Variants in IFT172 observed in about 807,000 individuals in gnomAD.
The protein encoded by IFT172 is intraflagellar transport 172.
A neutral mutation model predicts 248.9 loss-of-function variants in IFT172; 164 were observed. That is an observed-to-expected ratio of 0.66 (90% CI 0.58 to 0.75). The LOEUF (loss-of-function observed/expected upper bound fraction) is 0.75, where lower values mean the gene tolerates loss of function less well. IFT172 is among the 30% of genes least tolerant of loss of function. The probability of loss-of-function intolerance (pLI) is 0.00; values close to 1 mark genes in which losing one functional copy is unlikely to be tolerated. For synonymous variants in IFT172, 729 were observed against 791.6 expected (o/e 0.92, Z 1.33); for missense variants, 1,950 against 2,192.4 (o/e 0.89, Z 2.21).
chr2:27,468,095 G>A (rs1053534708), intron 16 of IFT172, among the ~76,000 whole-genome samples: 1 of 150,962 alleles, frequency 6.6e-6, no homozygotes, highest in African/African-American at 2.4e-5. Context: ...GGGAGGAAGA[G>A]GTTGCAGTAA....
At chr2:27,470,456 T>A (rs1411503095) in intron 16 of IFT172, among the ~76,000 whole-genome samples, 1 of 152,090 alleles carries the variant, frequency 6.6e-6, no homozygotes, top group African/African-American at 2.4e-5. Flanking sequence ...ACACACACAC[T>A]CCTAGCCTAG....
At chr2:27,461,883 G>C (rs1290165039) in intron 20 of IFT172, 47 bp from the exon 21 acceptor site, 2 of 1,607,970 alleles carry the variant, frequency 1.2e-6, no homozygotes, top group Non-Finnish European at 1.7e-6. Context: ...AAGATATGAG[G>C]ATCAGAAAGC....
At chr2:27,446,946 G>A (rs1039561649) in intron 42 of IFT172, among the ~76,000 whole-genome samples, 4 of 151,844 alleles carry the variant, frequency 2.6e-5, no homozygotes, top group Admixed American at 6.6e-5. Context: ...TGATCCACCC[G>A]CCTCGGCCTC....
intron 25 of IFT172, 35 bp from the exon 26 acceptor site, chr2:27,458,903 A>C: frequency 6.2e-7 from 1 of 1,610,588 alleles, no homozygotes; most frequent in Non-Finnish European, 8.5e-7. Flanking sequence ...AAAAGGTCAG[A>C]GCAACAGACT....
intron 23 of IFT172, 139 bp from the exon 24 acceptor site, chr2:27,459,968 G>C (rs1666520424): frequency 3.7e-6 from 4 of 1,080,500 alleles, no homozygotes; most frequent in East Asian, 2.4e-5. Flanking sequence ...CTGAACACAC[G>C]CACCAAGAGG....
At chr2:27,465,658 G>C (rs1333843627) in intron 17 of IFT172, 88 bp downstream of exon 17, 2 of 1,574,258 alleles carry the variant, frequency 1.3e-6, no homozygotes, top group East Asian at 2.2e-5. Context: ...CCTTATTAGT[G>C]CTGGCCAGTT....
In IFT172 at chr2:27,447,530, CTG is replaced by C; in HGVS notation, c.4642_4643del (p.Gln1548GlufsTer31). 1 of 1,614,104 alleles carries C rather than the reference CTG, an allele frequency of 6.2e-7. No homozygotes were observed. The highest frequency in any genetic ancestry group is 8.5e-7 in the Non-Finnish European group (1 of 1,179,968). Reference protein sequence around the residue: ...AHYYATRSAAQSVKQLETVAA... With the variant: ...AHYYATRSAAXSVKQLETVAA... Reference sequence around the variant, plus strand: ...TACATCTCACCAGCTGTTTGACACTCTGGGCTGCAGAGCGCGTGGCATAGTAA... The same window carrying C: ...TACATCTCACCAGCTGTTTGACACTCGGCTGCAGAGCGCGTGGCATAGTAA... On this transcript the variant is annotated frameshift_variant, in exon 42 of 48. Coordinates refer to ENST00000260570, the MANE Select transcript of IFT172 (RefSeq NM_015662.3). LOFTEE classifies it high-confidence loss of function.
chr2:27,457,279 G>C (rs1420016784), intron 29 of IFT172, among the ~76,000 whole-genome samples: 1 of 151,946 alleles, frequency 6.6e-6, no homozygotes, highest in Non-Finnish European at 1.5e-5. Context: ...ACTTAAAGTG[G>C]GAAAGAAGGG....
intron 41 of IFT172, 31 bp downstream of exon 41, chr2:27,447,781 G>T: frequency 1.3e-6 from 2 of 1,592,962 alleles, no homozygotes; most frequent in Non-Finnish European, 1.7e-6. Flanking sequence ...TGAGGACAAG[G>T]ACAGACGGAG....
chr2:27,461,362 A>C lies in IFT172; in HGVS notation c.2349T>G (p.Ala783=). 1 of 1,614,126 alleles carries C rather than the reference A, an allele frequency of 6.2e-7. No individual in the cohort carries two copies. The highest frequency in any genetic ancestry group is 8.5e-7 in the Non-Finnish European group (1 of 1,180,016). ...YLKAGLPAKA[A]RLVLTREELL... ...GTTCCTCTCGGGTCAGCACCAGCCG[A>C]GCAGCTTTGGCAGGGAGCCCAGCTT... is the stretch of plus-strand genomic sequence containing the variant. Residue 783 remains alanine, a synonymous_variant, in exon 22 of 48, where the codon GCT becomes GCG. Transcript: ENST00000260570.
In IFT172 at chr2:27,448,796, G is replaced by A. The variant is rs1665401139; in HGVS notation, c.4428+119C>T. 5.6e-6 allele frequency: 4 copies of A among 711,374 alleles called. No homozygotes were observed. The South Asian group carries it at 6.3e-5, about 11-fold the overall frequency. The allele number at this position is 711,374 out of a possible 1,614,324, so 44.1% of individuals were successfully genotyped here. ...TTTCTGGAGATGCGTGGGGGGCTCT[G>A]GGCATGACGTTCTCTAAGGATAGAA... is the stretch of plus-strand genomic sequence containing the variant. On this transcript the variant is annotated intron_variant, in intron 40 of 47. Coordinates refer to ENST00000260570, the MANE Select transcript of IFT172 (RefSeq NM_015662.3).
intron 16 of IFT172, among the ~76,000 whole-genome samples, chr2:27,467,418 G>GAAAAAAAAAAA (rs34115935): frequency 1.2e-4 from 2 of 16,428 alleles, no homozygotes; most frequent in Non-Finnish European, 2.1e-4. Flanking sequence ...ACAGAAAATT[G>GAAAAAAAAAAA]AAAAAAAAAA....
intron 7 of IFT172, among the ~76,000 whole-genome samples, chr2:27,483,001 CT>C (rs10651081): frequency 7.8e-4 from 96 of 123,772 alleles, no homozygotes; most frequent in East Asian, 2.7e-3. Flanking sequence ...TCCACAGCAT[CT>C]TTTTTTTTTT....
intron 7 of IFT172, among the ~76,000 whole-genome samples, chr2:27,482,699 T>C (rs771534780): frequency 5.9e-5 from 9 of 152,248 alleles, no homozygotes; most frequent in Non-Finnish European, 1.3e-4. Flanking sequence ...CTCTTTTTTC[T>C]ATGAATCTAC....
chr2:27,482,564 C>T (rs1333862305), intron 7 of IFT172, among the ~76,000 whole-genome samples: 1 of 152,188 alleles, frequency 6.6e-6, no homozygotes, highest in Non-Finnish European at 1.5e-5. Context: ...GGATTACAGG[C>T]ACGGCTCACA....
chr2:27,458,994 AG>A, intron 25 of IFT172, 126 bp from the exon 26 acceptor site: 1 of 903,340 alleles, frequency 1.1e-6, no homozygotes, highest in Non-Finnish European at 1.7e-6. Flanking sequence ...ATAATAGAGA[AG>A]AAAAGATGAG....
At position 27,448,942 on chromosome 2, in the gene IFT172, T is replaced by C. The variant is rs778086354; in HGVS notation, c.4401A>G (p.Val1467=). The change falls in exon 40 of 48, where the codon GTA becomes GTG. Residue 1467 remains valine (V), a synonymous_variant. Transcript: ENST00000260570. ...GTGGGTTAGCAGGGGCTCCGTGCTG[T>C]ACATACAGGGCCAATGCCTGGGCAG... ...GSSAQALALY[V]QHGAPANPQN... 6.3e-7 allele frequency: 1 copy of C among 1,599,982 alleles called. No homozygotes were observed. Among genetic ancestry groups the C allele is most frequent in the Non-Finnish European group, 8.6e-7 (1 of 1,167,026 alleles).
rs761953375 is a variant in IFT172 at position 27,445,713 on chromosome 2, GGCC to G, written c.4914+29_4914+31del. ...CTCCTCAAGGCACTCACACTGGTGA[GGCC>G]TTCCGGTTTTCCAACCCTGTGCCCT... On this transcript the variant is annotated intron_variant, in intron 45 of 47. Coordinates refer to ENST00000260570, the MANE Select transcript of IFT172 (RefSeq NM_015662.3). The surrounding 1 kb of genome is among the most constrained non-coding windows in gnomAD (Gnocchi z 4.4). The G allele has an allele frequency of 1.1e-5, 18 of 1,610,430 alleles. No homozygotes were observed. The South Asian group carries it at 1.9e-4, about 17-fold the overall frequency.
At position 27,469,561 on chromosome 2, in the gene IFT172, G is replaced by C. The variant is rs139255925; in HGVS notation, c.1692+1367C>G. Among the ~76,000 whole-genome samples, 6 of 152,326 alleles carry C rather than the reference G, an allele frequency of 3.9e-5. No homozygotes were observed. The East Asian group carries it at 1.2e-3, about 29-fold the overall frequency. ...TTATAAAATAATCAGGCAGGGCGTG[G>C]TGGCTCATGCCTGTAATCCCAGCAC... On this transcript the variant is annotated intron_variant, in intron 16 of 47. Transcript: ENST00000260570.
Sources: gnomAD v4.1 joint callset for allele counts (sites outside exome capture counted in the v4.1 genomes callset) on GRCh38, gnomAD v4.1.1 for gene constraint, Gnocchi (gnomAD v3.1) non-coding constraint, MANE v1.5 for transcripts, NCBI Gene and HGNC (gene_info 2026-07-23, HGNC 2026-07-21) for gene names.